Variants in SLC8A1 observed in about 807,000 individuals in gnomAD.
SLC8A1 encodes the protein solute carrier family 8 member A1, also known as sodium/calcium exchanger 1.
Under a neutral mutation model 68.3 loss-of-function variants are expected in SLC8A1, and 18 were observed. The ratio of observed to expected loss-of-function variants is 0.26; its 90% confidence interval spans 0.18 to 0.39. The LOEUF is 0.39. SLC8A1 is among the 10% of genes least tolerant of loss of function. SLC8A1 has a pLI of 1.00. For synonymous variants in SLC8A1, 475 were observed against 415.5 expected (o/e 1.14, Z -1.74); for missense variants, 985 against 1,156.7 (o/e 0.85, Z 2.15).
intron 2 of SLC8A1, among the ~76,000 whole-genome samples, chr2:40,414,360 G>A (rs79925890): frequency 0.014 from 2,102 of 152,278 alleles, 45 homozygotes; most frequent in African/African-American, 0.048. Context: ...GCAACAAGGT[G>A]TGTTTTAATG....
chr2:40,327,656 C>G (rs2075980817), intron 2 of SLC8A1, among the ~76,000 whole-genome samples: 1 of 151,980 alleles, frequency 6.6e-6, no homozygotes, highest in Admixed American at 6.6e-5. Context: ...AATGCAGGAA[C>G]AGAAAATCAA....
chr2:40,172,718 G>A (rs778359063), intron 4 of SLC8A1, among the ~76,000 whole-genome samples: 3 of 152,112 alleles, frequency 2.0e-5, no homozygotes, highest in Non-Finnish European at 4.4e-5. Context: ...CGAGGTGGGT[G>A]GATCACGAGG....
At chr2:40,493,741 G>C (rs1489193370) in intron 1 of SLC8A1, among the ~76,000 whole-genome samples, 2 of 148,512 alleles carry the variant, frequency 1.3e-5, no homozygotes, top group African/African-American at 5.0e-5. Flanking sequence ...TGCAACCTCT[G>C]CCTCCCAGAT....
At chr2:40,480,600 A>G (rs1189521452) in intron 1 of SLC8A1, among the ~76,000 whole-genome samples, 8 of 152,166 alleles carry the variant, frequency 5.3e-5, no homozygotes, top group Non-Finnish European at 1.0e-4. Flanking sequence ...ATGGACTAAG[A>G]CACTGCCCTA....
At chr2:40,401,196 G>A (rs754800435) in intron 2 of SLC8A1, among the ~76,000 whole-genome samples, 11 of 152,166 alleles carry the variant, frequency 7.2e-5, no homozygotes, top group Admixed American at 2.6e-4. Flanking sequence ...TCTGTGGCAT[G>A]CCTGCACTTT....
intron 7 of SLC8A1, among the ~76,000 whole-genome samples, chr2:40,130,222 T>C (rs977269137): frequency 6.6e-6 from 1 of 152,248 alleles, no homozygotes; most frequent in African/African-American, 2.4e-5. Flanking sequence ...GTCGGCTGCA[T>C]GCGGCCTATT....
At chr2:40,171,479 G>A (rs1378322352) in intron 4 of SLC8A1, among the ~76,000 whole-genome samples, 3 of 152,082 alleles carry the variant, frequency 2.0e-5, no homozygotes, top group African/African-American at 7.2e-5. Flanking sequence ...ATGTTTATAT[G>A]GTCCAGTTTC....
chr2:40,237,645 T>G (rs913295254), intron 2 of SLC8A1, among the ~76,000 whole-genome samples: 2 of 152,188 alleles, frequency 1.3e-5, no homozygotes, highest in East Asian at 3.8e-4. Flanking sequence ...CCGTTGCTGG[T>G]GAGGAACTGT....
chr2:40,157,169 TA>T (rs2044691933), intron 6 of SLC8A1, among the ~76,000 whole-genome samples: 1 of 152,242 alleles, frequency 6.6e-6, no homozygotes, highest in African/African-American at 2.4e-5. Flanking sequence ...TATTTTATTA[TA>T]GGTTCTATAA....
intron 6 of SLC8A1, among the ~76,000 whole-genome samples, chr2:40,155,789 G>A (rs1478548024): frequency 8.5e-5 from 13 of 152,142 alleles, no homozygotes; most frequent in African/African-American, 2.9e-4. Flanking sequence ...TATTGGACTG[G>A]TGGGCTAAGG....
intron 2 of SLC8A1, among the ~76,000 whole-genome samples, chr2:40,189,126 C>A (rs922907441): frequency 6.6e-6 from 1 of 152,078 alleles, no homozygotes; most frequent in Non-Finnish European, 1.5e-5. Flanking sequence ...TTGGCTGTTG[C>A]TTTTCCTGAT....
chr2:40,257,755 C>T (rs111678118), intron 2 of SLC8A1, among the ~76,000 whole-genome samples: 1 of 152,246 alleles, frequency 6.6e-6, no homozygotes. Context: ...AAGCACCTAA[C>T]TGAACCAAAT....
At chr2:40,216,350 T>C (rs2057482099) in intron 2 of SLC8A1, among the ~76,000 whole-genome samples, 1 of 152,314 alleles carries the variant, frequency 6.6e-6, no homozygotes, top group African/African-American at 2.4e-5. Context: ...CTTTTCATGG[T>C]TGCAGAGTAT....
chr2:40,409,802 G>C (rs1221460307), intron 2 of SLC8A1, among the ~76,000 whole-genome samples: 1 of 152,174 alleles, frequency 6.6e-6, no homozygotes, highest in Non-Finnish European at 1.5e-5. Flanking sequence ...AAGGCAGTGA[G>C]AATGTAGTCA....
At chr2:40,150,963 A>G (rs930665550) in intron 6 of SLC8A1, among the ~76,000 whole-genome samples, 3 of 152,164 alleles carry the variant, frequency 2.0e-5, no homozygotes, top group African/African-American at 7.2e-5. Context: ...TGTCCCTAGA[A>G]TATCTCCCAT....
At chr2:40,314,344 T>C (rs545369628) in intron 2 of SLC8A1, among the ~76,000 whole-genome samples, 35 of 152,156 alleles carry the variant, frequency 2.3e-4, no homozygotes, top group African/African-American at 7.7e-4. Flanking sequence ...CCATAGTTTA[T>C]TCCATTCTAA....
chr2:40,112,895 CTTAG>C (rs1484736366), exon 8 of SLC8A1: 3 of 152,428 alleles, frequency 2.0e-5, no homozygotes, highest in African/African-American at 4.8e-5. Flanking sequence ...CTTATGCTCT[CTTAG>C]TTAAAGAAAT....
chr2:40,339,979 G>A (rs1413300011), intron 2 of SLC8A1, among the ~76,000 whole-genome samples: 1 of 152,182 alleles, frequency 6.6e-6, no homozygotes, highest in East Asian at 1.9e-4. Context: ...TGACTTTTCA[G>A]AGCTTTTAAT....
rs559313419 is a variant in SLC8A1, at chr2:40,338,161, A to G, written c.1808+90312T>C. On this transcript the variant is annotated intron_variant, in intron 2 of 7. Transcript: ENST00000406785. ...TATCCAATAAGGCTACAATTCAGCC[A>G]GTAGATAATCGTAGTGGGGTAGCAT... is the stretch of plus-strand genomic sequence containing the variant. 2.6e-5 allele frequency among the ~76,000 whole-genome samples: 4 copies of G among 152,112 alleles called. No individual in the cohort carries two copies. The South Asian group carries it at 8.3e-4, about 32-fold the overall frequency.
Sources: allele counts gnomAD v4.1 joint callset (sites outside exome capture counted in the v4.1 genomes callset), GRCh38; gene constraint gnomAD v4.1.1; transcripts MANE v1.5; gene names NCBI Gene and HGNC (gene_info 2026-07-23, HGNC 2026-07-21).